COLEC12: variants seen among roughly 807,000 people sequenced by gnomAD.
The protein encoded by COLEC12 is collectin-12.
COLEC12 carries 33 observed loss-of-function variants against 71.1 expected under a neutral mutation model. That is an observed-to-expected ratio of 0.46 (90% confidence interval 0.35 to 0.62). COLEC12 has a LOEUF of 0.62. COLEC12 is among the 20% of genes least tolerant of loss of function. The probability of loss-of-function intolerance (pLI) is 0.00; values close to 1 mark genes in which losing one functional copy is unlikely to be tolerated. For synonymous variants in COLEC12, 350 were observed against 353.0 expected, an observed-to-expected ratio of 0.99 and a Z score of 0.10; for missense variants, 765 against 916.1, an observed-to-expected ratio of 0.84 and a Z score of 2.13.
chr18:320,425 A>T (rs1022729736), intron 9 of COLEC12, among the ~76,000 whole-genome samples: 1 of 152,128 alleles, frequency 6.6e-6, no homozygotes, highest in Admixed American at 6.6e-5. Context: ...GTGAGTTCCT[A>T]TGTGTCTTAA....
chr18:358,111 C>T (rs1914666905), intron 2 of COLEC12, among the ~76,000 whole-genome samples: 1 of 152,032 alleles, frequency 6.6e-6, no homozygotes, highest in Admixed American at 6.5e-5. Context: ...ATCCTGAAAC[C>T]ATCTCCCGCC....
intron 1 of COLEC12, among the ~76,000 whole-genome samples, chr18:486,774 C>T (rs781261964): frequency 3.3e-5 from 5 of 152,170 alleles, no homozygotes; most frequent in Non-Finnish European, 7.3e-5. Context: ...ACTGTTGGAA[C>T]ATAAGTTTAA....
Position 500,510 on chromosome 18 carries a change from T to C in COLEC12, c.5A>G (p.Lys2Arg). 11 of 1,229,262 alleles carry C rather than the reference T, an allele frequency of 8.9e-6. No homozygotes were observed. Among genetic ancestry groups the C allele is most frequent in the Non-Finnish European group, 1.1e-5 (11 of 986,318 alleles). The allele number at this position is 1,229,262 out of a possible 1,614,324, so 76.1% of individuals were successfully genotyped here. Residue 2 changes from lysine (K) to arginine (R), a missense_variant and splice_region_variant, in exon 1 of 10, where the codon AAA becomes AGA. Coordinates refer to ENST00000400256, the MANE Select transcript of COLEC12 (RefSeq NM_130386.3). The surrounding 1 kb of genome is among the most constrained non-coding windows in gnomAD (Gnocchi z 5.3). The part of the protein sequence containing the change: M[K>R]DDFAEEEEVQ... ...CCGCGGAGCTGCCGCCGCCCTACCT[T>C]TCATGGTGACCGTGGGGACGCACCG... is the stretch of plus-strand genomic sequence containing the variant.
chr18:380,163 G>A (rs955462318), intron 2 of COLEC12, among the ~76,000 whole-genome samples: 11 of 152,176 alleles, frequency 7.2e-5, no homozygotes, highest in Non-Finnish European at 1.6e-4. Context: ...CATGGCATAT[G>A]AGGCCTTCAT....
chr18:430,924 G>A (rs1385217214), intron 2 of COLEC12, among the ~76,000 whole-genome samples: 1 of 152,162 alleles, frequency 6.6e-6, no homozygotes, highest in Non-Finnish European at 1.5e-5. Context: ...TAAAATCAAT[G>A]TCCACTTTGC....
At chr18:328,926 C>A (rs1264756559) in intron 8 of COLEC12, among the ~76,000 whole-genome samples, 1 of 152,178 alleles carries the variant, frequency 6.6e-6, no homozygotes, top group Non-Finnish European at 1.5e-5. Context: ...TCATAACACG[C>A]CTGTCTAACT....
At chr18:383,005 G>A (rs1005369969) in intron 2 of COLEC12, among the ~76,000 whole-genome samples, 2 of 152,080 alleles carry the variant, frequency 1.3e-5, no homozygotes, top group Admixed American at 6.6e-5. Context: ...CAGGCAAAGA[G>A]CATGCATTCT....
At chr18:331,209 G>A (rs910464746) in intron 8 of COLEC12, among the ~76,000 whole-genome samples, 1 of 152,240 alleles carries the variant, frequency 6.6e-6, no homozygotes, top group South Asian at 2.1e-4. Flanking sequence ...CTCATTTGTA[G>A]TTTCTAATCA....
chr18:385,784 C>T (rs1053986681), intron 2 of COLEC12, among the ~76,000 whole-genome samples: 2 of 152,032 alleles, frequency 1.3e-5, no homozygotes, highest in African/African-American at 4.8e-5. Flanking sequence ...ATTCTAAGAA[C>T]AGCAAAGTAC....
At chr18:451,315 G>A (rs1457763942) in intron 2 of COLEC12, among the ~76,000 whole-genome samples, 2 of 152,108 alleles carry the variant, frequency 1.3e-5, no homozygotes, top group Non-Finnish European at 2.9e-5. Context: ...CCTGAAATTA[G>A]AGCTTATATT....
chr18:486,603 G>T (rs1027564307), intron 1 of COLEC12, among the ~76,000 whole-genome samples: 1 of 152,220 alleles, frequency 6.6e-6, no homozygotes, highest in African/African-American at 2.4e-5. Flanking sequence ...ACACAGGTCT[G>T]TGGGACTCAG....
rs140330595 is a variant in COLEC12, at chr18:341,531, C to T, written c.1327+4764G>A. ...TGGGCACTAGAAATCCAGCAGTAAG[C>T]ACTTTTAGACTCAAATCATCCTTAA... is the stretch of plus-strand genomic sequence containing the variant. On this transcript the variant is annotated intron_variant, in intron 5 of 9. Coordinates refer to ENST00000400256, the MANE Select transcript of COLEC12 (RefSeq NM_130386.3). Among the ~76,000 whole-genome samples the T allele has an allele frequency of 2.5e-3, 382 of 152,328 alleles. 1 individual carries two copies. Among genetic ancestry groups the T allele is most frequent in the Non-Finnish European group, 4.4e-3 (300 of 68,030 alleles).
intron 2 of COLEC12, among the ~76,000 whole-genome samples, chr18:425,584 G>A (rs1916184550): frequency 6.6e-6 from 1 of 152,118 alleles, no homozygotes; most frequent in Admixed American, 6.5e-5. Context: ...ACAGCGCTGG[G>A]GGAAGAGGTG....
intron 2 of COLEC12, among the ~76,000 whole-genome samples, chr18:383,718 G>A (rs557562433): frequency 8.9e-4 from 135 of 152,214 alleles, no homozygotes; most frequent in African/African-American, 3.2e-3. Flanking sequence ...CCTCTGATTA[G>A]TAAAGAATCC....
chr18:357,443 C>T lies in COLEC12; in HGVS notation c.138G>A (p.Leu46=), dbSNP rs34395012. The change falls in exon 3 of 10, where the codon TTG becomes TTA. Residue 46 remains leucine (L), a synonymous_variant. Coordinates refer to ENST00000400256, the MANE Select transcript of COLEC12 (RefSeq NM_130386.3). The part of the protein sequence containing the change: ...LKFSIILLYI[L]CALLTITVAI... Reference sequence around the variant, plus strand: ...CTACTGTGATTGTTAGCAAGGCACACAAAATGTATAATAATATGATAGAAA... The same window carrying T: ...CTACTGTGATTGTTAGCAAGGCACATAAAATGTATAATAATATGATAGAAA... The T allele has an allele frequency of 1.0e-5, 16 of 1,603,004 alleles. No homozygotes were observed. In the Middle Eastern group the frequency reaches 6.6e-4, roughly 66 times the overall value.
chr18:397,176 C>T (rs181520086), intron 2 of COLEC12, among the ~76,000 whole-genome samples: 1 of 152,190 alleles, frequency 6.6e-6, no homozygotes. Flanking sequence ...TCCCTCTTAT[C>T]CGTGGCTTCT....
intron 5 of COLEC12, among the ~76,000 whole-genome samples, chr18:339,475 G>A (rs940854031): frequency 1.3e-5 from 2 of 152,152 alleles, no homozygotes; most frequent in African/African-American, 4.8e-5. Flanking sequence ...AATATCGGGG[G>A]GAAATGCACG....
intron 2 of COLEC12, among the ~76,000 whole-genome samples, chr18:381,348 T>A (rs778867350): frequency 6.1e-4 from 93 of 152,290 alleles, no homozygotes; most frequent in Non-Finnish European, 1.0e-3. Context: ...CACGTCAACA[T>A]AAAGAAATGA....
In COLEC12 at chr18:415,652, G is replaced by A. The variant is rs543456817; in HGVS notation, c.59-58130C>T. 9.2e-4 allele frequency among the ~76,000 whole-genome samples: 140 copies of A among 152,196 alleles called. No homozygotes were observed. The Middle Eastern group carries it at 0.024, about 26-fold the overall frequency. On this transcript the variant is annotated intron_variant, in intron 2 of 9. Transcript: ENST00000400256. Reference sequence around the variant, plus strand: ...CCCTCTTGTCATCTACACACATTGGGCTGTATGTACGAAGTCATGACTTCA... The same window carrying A: ...CCCTCTTGTCATCTACACACATTGGACTGTATGTACGAAGTCATGACTTCA...
Sources: allele counts gnomAD v4.1 joint callset (sites outside exome capture counted in the v4.1 genomes callset), GRCh38; gene constraint gnomAD v4.1.1; non-coding constraint Gnocchi (gnomAD v3.1); transcripts MANE v1.5; gene names NCBI Gene and HGNC (gene_info 2026-07-23, HGNC 2026-07-21).